The following ARHGAP42 variants were observed in gnomAD, a reference collection of about 807,000 sequenced individuals.
ARHGAP42 encodes rho GTPase-activating protein 42.
A neutral mutation model predicts 125.0 loss-of-function variants in ARHGAP42; 63 were observed. The ratio of observed to expected loss-of-function variants is 0.50; its 90% CI spans 0.41 to 0.62. The LOEUF (loss-of-function observed/expected upper bound fraction) is 0.62, where lower values mean the gene tolerates loss of function less well. Ranked by LOEUF, ARHGAP42 falls within the 20% of genes least tolerant of loss-of-function variation. ARHGAP42 has a pLI of 0.00. For synonymous variants in ARHGAP42, 339 were observed against 351.0 expected (o/e 0.97, Z 0.38); for missense variants, 766 against 1,024.2 (o/e 0.75, Z 3.44).
chr11:100,785,815 A>G (rs1863419361), intron 2 of ARHGAP42, among the ~76,000 whole-genome samples: 1 of 152,196 alleles, frequency 6.6e-6, no homozygotes, highest in Non-Finnish European at 1.5e-5. Flanking sequence ...TAAAGATGAT[A>G]AGCCTGTTCT....
At chr11:100,974,687 A>T in intron 19 of ARHGAP42, 84 bp downstream of exon 19, 1 of 1,348,650 alleles carries the variant, frequency 7.4e-7, no homozygotes, top group Non-Finnish European at 9.8e-7. Flanking sequence ...AGGTAGAAAT[A>T]GAAGATGTTC....
chr11:100,743,323 G>A (rs1020343652), intron 1 of ARHGAP42, among the ~76,000 whole-genome samples: 22 of 152,250 alleles, frequency 1.4e-4, no homozygotes, highest in Non-Finnish European at 2.9e-4. Flanking sequence ...CTTCATTTAT[G>A]AAAATTAGTT....
chr11:100,833,903 C>T (rs12289436), intron 3 of ARHGAP42, among the ~76,000 whole-genome samples: 4,394 of 152,190 alleles, frequency 0.029, 76 homozygotes, highest in African/African-American at 0.044. Flanking sequence ...TAGGTAGATA[C>T]TTTTAAAAAA....
At chr11:100,849,219 A>T (rs896245200) in intron 3 of ARHGAP42, among the ~76,000 whole-genome samples, 4 of 149,230 alleles carry the variant, frequency 2.7e-5, no homozygotes, top group African/African-American at 1.0e-4. Flanking sequence ...TAGTATTGAC[A>T]TATCACTCAT....
At chr11:100,769,712 CT>C (rs140626690) in intron 1 of ARHGAP42, among the ~76,000 whole-genome samples, 1,938 of 77,882 alleles carry the variant, frequency 0.025, 27 homozygotes, top group African/African-American at 0.047. Context: ...AGCATTCCTT[CT>C]TTTTTTTTTT....
intron 3 of ARHGAP42, among the ~76,000 whole-genome samples, chr11:100,849,254 A>G (rs1015991025): frequency 3.9e-5 from 6 of 152,188 alleles, no homozygotes; most frequent in African/African-American, 1.4e-4. Context: ...AAGACCTCAC[A>G]TTAAGGGCTG....
chr11:100,884,750 G>A (rs770544480), intron 4 of ARHGAP42, among the ~76,000 whole-genome samples: 14 of 151,926 alleles, frequency 9.2e-5, no homozygotes, highest in Non-Finnish European at 1.8e-4. Flanking sequence ...TGATTTTACC[G>A]TAATGAAATT....
rs144207733 is a variant in ARHGAP42, at chr11:100,715,856, C to T, written c.154+28024C>T. ...ATTTATATTCTTAGGAAGCTTACAA[C>T]GAAACATAATACAGATATGTGAAAA... On this transcript the variant is annotated intron_variant, in intron 1 of 23. Transcript: ENST00000298815. Among the ~76,000 whole-genome samples, 25 of 152,228 alleles carry T rather than the reference C, an allele frequency of 1.6e-4. 1 individual carries two copies. The Middle Eastern group carries it at 0.027, about 166-fold the overall frequency.
chr11:100,735,913 G>T (rs1862058613), intron 1 of ARHGAP42, among the ~76,000 whole-genome samples: 1 of 152,152 alleles, frequency 6.6e-6, no homozygotes, highest in Non-Finnish European at 1.5e-5. Flanking sequence ...ACCGCGCCCA[G>T]CAGACTTGTA....
intron 2 of ARHGAP42, among the ~76,000 whole-genome samples, chr11:100,785,333 G>A (rs1450812936): frequency 6.6e-6 from 1 of 152,190 alleles, no homozygotes; most frequent in Non-Finnish European, 1.5e-5. Context: ...GTGAGGGGAA[G>A]CCTGGGGCTG....
At chr11:100,969,698 A>C (rs1157399299) in intron 17 of ARHGAP42, among the ~76,000 whole-genome samples, 1 of 152,116 alleles carries the variant, frequency 6.6e-6, no homozygotes, top group Non-Finnish European at 1.5e-5. Context: ...AAACATTGCC[A>C]CCACACCTCT....
intron 2 of ARHGAP42, among the ~76,000 whole-genome samples, chr11:100,791,686 C>CA (rs1268227168): frequency 3.1e-3 from 405 of 129,512 alleles, no homozygotes; most frequent in African/African-American, 8.8e-3. Context: ...GAAAAATCAA[C>CA]AAAAAAAAAA....
At chr11:100,849,657 A>G (rs1170103526) in intron 3 of ARHGAP42, among the ~76,000 whole-genome samples, 1 of 152,146 alleles carries the variant, frequency 6.6e-6, no homozygotes, top group Non-Finnish European at 1.5e-5. Context: ...TATTTATTTA[A>G]AAAGATTATT....
chr11:100,832,367 C>CT (rs1864683343), intron 3 of ARHGAP42, among the ~76,000 whole-genome samples: 1 of 152,208 alleles, frequency 6.6e-6, no homozygotes, highest in Non-Finnish European at 1.5e-5. Flanking sequence ...GATGATCTCT[C>CT]TAAGTTTCTG....
At chr11:100,974,720 A>C in intron 19 of ARHGAP42, 117 bp downstream of exon 19, 2 of 1,066,474 alleles carry the variant, frequency 1.9e-6, no homozygotes, top group Non-Finnish European at 1.3e-6. Flanking sequence ...TTTCCCCAAC[A>C]CCTCCTCTTT....
intron 10 of ARHGAP42, 43 bp downstream of exon 10, chr11:100,943,911 C>A: frequency 7.9e-7 from 1 of 1,269,264 alleles, no homozygotes; most frequent in Non-Finnish European, 1.1e-6. Context: ...ATAAGCTAAA[C>A]GGTGTCTCTT....
chr11:100,903,965 C>T (rs1866648133), intron 4 of ARHGAP42, among the ~76,000 whole-genome samples: 1 of 151,436 alleles, frequency 6.6e-6, no homozygotes, highest in Admixed American at 6.6e-5. Flanking sequence ...ATTTTTCTGC[C>T]TGCTTTATAT....
At chr11:100,920,589 A>G (rs1306651067) in intron 5 of ARHGAP42, among the ~76,000 whole-genome samples, 1 of 152,164 alleles carries the variant, frequency 6.6e-6, no homozygotes, top group East Asian at 1.9e-4. Flanking sequence ...TGGGCAAGAA[A>G]AGTAAGTCAT....
intron 1 of ARHGAP42, among the ~76,000 whole-genome samples, chr11:100,698,384 T>A (rs913254323): frequency 5.3e-5 from 8 of 152,124 alleles, no homozygotes; most frequent in Admixed American, 5.2e-4. Context: ...GGCAAGAGGA[T>A]CACTTGAGCC....
Sources: allele counts gnomAD v4.1 joint callset (sites outside exome capture counted in the v4.1 genomes callset), GRCh38; gene constraint gnomAD v4.1.1; transcripts MANE v1.5; gene names NCBI Gene and HGNC (gene_info 2026-07-23, HGNC 2026-07-21).